Variants in DMXL2 observed in about 807,000 individuals in gnomAD.
The protein encoded by DMXL2 is Dmx like 2.
In DMXL2, 103 loss-of-function variants were observed where a neutral mutation model predicts 331.1. That is an observed-to-expected ratio of 0.31 (90% confidence interval 0.27 to 0.37). DMXL2 has a LOEUF of 0.37. Ranked by LOEUF, DMXL2 falls within the 10% of genes least tolerant of loss-of-function variation. The pLI is 1.00. For synonymous variants in DMXL2, 1,281 were observed against 1,252.1 expected, an observed-to-expected ratio of 1.02 and a Z score of -0.49; for missense variants, 3,171 against 3,642.9, an observed-to-expected ratio of 0.87 and a Z score of 3.33.
At chr15:51,600,477 GGT>G (rs1445601550) in intron 1 of DMXL2, among the ~76,000 whole-genome samples, 1 of 152,144 alleles carries the variant, frequency 6.6e-6, no homozygotes, top group African/African-American at 2.4e-5. Flanking sequence ...TAGTTCCCTA[GGT>G]CCTTTCTCTT....
intron 25 of DMXL2, 54 bp from the exon 26 acceptor site, chr15:51,478,401 T>A: frequency 6.7e-7 from 1 of 1,498,836 alleles, no homozygotes; most frequent in Non-Finnish European, 9.2e-7. Context: ...TACACAACAG[T>A]AATATTTCAA....
At chr15:51,606,315 C>T (rs1284294975) in intron 1 of DMXL2, among the ~76,000 whole-genome samples, 3 of 152,136 alleles carry the variant, frequency 2.0e-5, no homozygotes, top group Non-Finnish European at 4.4e-5. Flanking sequence ...TCAAGCAATT[C>T]TTCTGCCTCA....
rs1006604223 is a variant in DMXL2, at chr15:51,507,026, A to T, written c.2764+108T>A. The T allele has an allele frequency of 2.3e-5, 20 of 854,088 alleles. No individual in the cohort carries two copies. In the African/African-American group the frequency reaches 3.4e-4, roughly 14 times the overall value. 52.9% of individuals were successfully genotyped at this position (854,088 alleles called of 1,614,324 possible). A position where few individuals can be genotyped will look rare whatever the true frequency, so the allele number is the denominator to read the frequency against. On this transcript the variant is annotated intron_variant, in intron 16 of 43. Coordinates refer to ENST00000560891, the MANE Select transcript of DMXL2 (RefSeq NM_001378457.1). Reference sequence around the variant, plus strand: ...TAGAAGAGACATAATTCAGCAACTCAATTTACAGTTTAATGGAACTTCATT... The same window carrying T: ...TAGAAGAGACATAATTCAGCAACTCTATTTACAGTTTAATGGAACTTCATT...
At chr15:51,467,609 G>A (rs2040702663) in intron 29 of DMXL2, among the ~76,000 whole-genome samples, 1 of 152,076 alleles carries the variant, frequency 6.6e-6, no homozygotes, top group South Asian at 2.1e-4. Flanking sequence ...CTAATAAGGG[G>A]GTAAAGTTAG....
intron 18 of DMXL2, among the ~76,000 whole-genome samples, chr15:51,498,351 C>T (rs1484326897): frequency 6.6e-6 from 1 of 152,172 alleles, no homozygotes; most frequent in African/African-American, 2.4e-5. Context: ...ACATGGATCT[C>T]ACAAATCCAT....
In DMXL2 at chr15:51,537,767, A is replaced by T; in HGVS notation, c.1346-8T>A. The T allele has an allele frequency of 1.9e-6, 3 of 1,608,006 alleles. No homozygotes were observed. Among genetic ancestry groups the T allele is most frequent in the Non-Finnish European group, 2.5e-6 (3 of 1,176,570 alleles). On this transcript the variant is annotated splice_region_variant and splice_polypyrimidine_tract_variant and intron_variant, in intron 10 of 43. Coordinates refer to ENST00000560891, the MANE Select transcript of DMXL2 (RefSeq NM_001378457.1). ...CTCTATCCAGGGATAAATCTGAACC[A>T]GAAAATATATTTATCAATACAAGCA...
At chr15:51,508,651 CAAAG>C in intron 15 of DMXL2, among the ~76,000 whole-genome samples, 1 of 152,150 alleles carries the variant, frequency 6.6e-6, no homozygotes, top group Non-Finnish European at 1.5e-5. Flanking sequence ...ACTTAAAAGA[CAAAG>C]AAATCCAACA....
At chr15:51,589,182 A>G (rs1238273792) in intron 1 of DMXL2, among the ~76,000 whole-genome samples, 1 of 152,218 alleles carries the variant, frequency 6.6e-6, no homozygotes, top group Non-Finnish European at 1.5e-5. Flanking sequence ...GAGTTACCAG[A>G]AAGAGTGGAG....
In DMXL2 at chr15:51,495,006, A is replaced by C; in HGVS notation, c.4783+18T>G. On this transcript the variant is annotated intron_variant, in intron 19 of 43. Coordinates refer to ENST00000560891, the MANE Select transcript of DMXL2 (RefSeq NM_001378457.1). ...TTAAGTAAAAGTTGTGCAAAGCTTC[A>C]AACAGTGAGTGAATTACCTTGATGA... 6.3e-7 allele frequency: 1 copy of C among 1,584,080 alleles called. No homozygotes were observed. The highest frequency in any genetic ancestry group is 8.7e-7 in the Non-Finnish European group (1 of 1,154,312).
At chr15:51,467,294 A>G (rs1346657637) in intron 29 of DMXL2, among the ~76,000 whole-genome samples, 1 of 152,156 alleles carries the variant, frequency 6.6e-6, no homozygotes. Context: ...TAATTTTTAA[A>G]CTTTTTAAAA....
intron 13 of DMXL2, among the ~76,000 whole-genome samples, chr15:51,530,088 G>A (rs2047915032): frequency 1.3e-5 from 2 of 151,732 alleles, no homozygotes; most frequent in African/African-American, 2.4e-5. Context: ...AAAAAAAGTG[G>A]GTATAGAAGG....
At chr15:51,585,587 G>C (rs1273743164) in intron 1 of DMXL2, among the ~76,000 whole-genome samples, 1 of 152,048 alleles carries the variant, frequency 6.6e-6, no homozygotes, top group Non-Finnish European at 1.5e-5. Context: ...TAAATTCTAA[G>C]ATATAATATG....
chr15:51,458,434 A>G lies in DMXL2; in HGVS notation c.8198+72T>C, dbSNP rs999699865. 23 of 1,505,146 alleles carry G rather than the reference A, an allele frequency of 1.5e-5. No homozygotes were observed. The South Asian group carries it at 2.2e-4, about 14-fold the overall frequency. 93.2% of individuals were successfully genotyped at this position (1,505,146 alleles called of 1,614,324 possible). A position where few individuals can be genotyped will look rare whatever the true frequency, so the allele number is the denominator to read the frequency against. On this transcript the variant is annotated intron_variant, in intron 36 of 43. Transcript: ENST00000560891. Reference sequence around the variant, plus strand: ...ACACGTATACCTTTTGAAATAATTCAAATCATGTGCATAACCATTTGGTGG... The same window carrying G: ...ACACGTATACCTTTTGAAATAATTCGAATCATGTGCATAACCATTTGGTGG...
intron 23 of DMXL2, among the ~76,000 whole-genome samples, chr15:51,484,028 C>T (rs1458639681): frequency 6.6e-6 from 1 of 151,808 alleles, no homozygotes; most frequent in Non-Finnish European, 1.5e-5. Flanking sequence ...ACCAGACCAG[C>T]TGAGCAGCCC....
rs2039165760 is a variant in DMXL2, at chr15:51,451,782, AT to A, written c.8697-86del. On this transcript the variant is annotated intron_variant, in intron 41 of 43. Coordinates refer to ENST00000560891, the MANE Select transcript of DMXL2 (RefSeq NM_001378457.1). ...GGGACAACCTGTCTTTCAGTCAAAT[AT>A]TTTGCTTATTCATTCTTATCTTTTT... is the stretch of plus-strand genomic sequence containing the variant. The A allele has an allele frequency of 7.4e-6, 9 of 1,214,876 alleles. No homozygotes were observed. The East Asian group carries it at 2.1e-4, about 29-fold the overall frequency. The allele number at this position is 1,214,876 out of a possible 1,614,324, so 75.3% of individuals were successfully genotyped here.
At chr15:51,609,193 A>G (rs1157292199) in intron 1 of DMXL2, among the ~76,000 whole-genome samples, 6 of 152,260 alleles carry the variant, frequency 3.9e-5, no homozygotes, top group Admixed American at 3.9e-4. Context: ...GAATGAAAAA[A>G]TTCATTTCAA....
intron 13 of DMXL2, among the ~76,000 whole-genome samples, chr15:51,529,537 T>C (rs1390523067): frequency 1.3e-5 from 2 of 152,078 alleles, no homozygotes; most frequent in Non-Finnish European, 2.9e-5. Flanking sequence ...ACATACAACC[T>C]ATCAAGACTA....
chr15:51,578,193 T>C (rs541751756), intron 1 of DMXL2, among the ~76,000 whole-genome samples: 1 of 152,320 alleles, frequency 6.6e-6, no homozygotes, highest in African/African-American at 2.4e-5. Context: ...AAAATTCAAG[T>C]GCATTAATTT....
intron 9 of DMXL2, among the ~76,000 whole-genome samples, chr15:51,541,511 G>C (rs2048593530): frequency 6.6e-6 from 1 of 152,088 alleles, no homozygotes; most frequent in African/African-American, 2.4e-5. Context: ...TACGGGGCCA[G>C]TGGCTACTCT....
Sources: allele counts gnomAD v4.1 joint callset (sites outside exome capture counted in the v4.1 genomes callset), GRCh38; gene constraint gnomAD v4.1.1; transcripts MANE v1.5; gene names NCBI Gene and HGNC (gene_info 2026-07-23, HGNC 2026-07-21).